Variants in GFPT1 observed in about 807,000 individuals in gnomAD.
The protein encoded by GFPT1 is glutamine--fructose-6-phosphate transaminase 1.
In GFPT1, 40 loss-of-function variants were observed where a neutral mutation model predicts 92.0. The observed-to-expected ratio is 0.43, with a 90% CI of 0.34 to 0.57. The LOEUF (loss-of-function observed/expected upper bound fraction) is 0.57, where lower values mean the gene tolerates loss of function less well. GFPT1 is among the 20% of genes least tolerant of loss of function. The pLI is 0.02. For missense variants in GFPT1, 448 were observed against 869.1 expected, an observed-to-expected ratio of 0.52 and a Z score of 6.09; for synonymous variants, 269 against 280.6, an observed-to-expected ratio of 0.96 and a Z score of 0.41.
chr2:69,375,175 G>A (rs1228894878), intron 1 of GFPT1, among the ~76,000 whole-genome samples: 2 of 152,134 alleles, frequency 1.3e-5, no homozygotes, highest in African/African-American at 4.8e-5. Flanking sequence ...GGCCAGAGTG[G>A]ACACAGCTTT....
intron 3 of GFPT1, among the ~76,000 whole-genome samples, chr2:69,368,585 G>A (rs747663001): frequency 2.0e-5 from 3 of 151,982 alleles, no homozygotes; most frequent in South Asian, 2.1e-4. Context: ...AAAATTAGCC[G>A]GGCATGATGG....
chr2:69,364,679 G>A (rs1475058519), intron 3 of GFPT1, among the ~76,000 whole-genome samples: 1 of 152,190 alleles, frequency 6.6e-6, no homozygotes, highest in Non-Finnish European at 1.5e-5. Flanking sequence ...AATCGGCATA[G>A]GCCAATGTTC....
intron 1 of GFPT1, among the ~76,000 whole-genome samples, chr2:69,379,991 T>C (rs1285781159): frequency 6.6e-6 from 1 of 151,788 alleles, no homozygotes; most frequent in African/African-American, 2.4e-5. Context: ...AGTGCTGGGA[T>C]TACAGGCATG....
chr2:69,332,389 T>C (rs1175127857), intron 15 of GFPT1, among the ~76,000 whole-genome samples: 1 of 151,300 alleles, frequency 6.6e-6, no homozygotes, highest in East Asian at 1.9e-4. Context: ...CTTGGCTCAC[T>C]GCAACCTCAG....
At position 69,359,119 on chromosome 2, in the gene GFPT1, A is replaced by G. The variant is rs552264177; in HGVS notation, c.408+149T>C. On this transcript the variant is annotated intron_variant, in intron 5 of 19. Transcript: ENST00000357308. The stretch of plus-strand genomic sequence containing the variant: ...ATTGTTCCACTGTTAGCAAAGAAAA[A>G]TCCAATAAACCACCGTGCCCTTGGA... 439 of 639,534 alleles carry G rather than the reference A, an allele frequency of 6.9e-4. 1 individual carries two copies. The highest frequency in any genetic ancestry group is 8.8e-4 in the Non-Finnish European group (305 of 345,532). The allele number at this position is 639,534 out of a possible 1,614,324, so 39.6% of individuals were successfully genotyped here.
At position 69,387,046 on chromosome 2, in the gene GFPT1, C is replaced by G. The variant is rs754214386; in HGVS notation, c.7+19G>C. The stretch of plus-strand genomic sequence containing the variant: ...CCAGCGCCACCCGGCAACACGCCCC[C>G]CGCTCCCGGCCCCCTTACCACACAT... On this transcript the variant is annotated intron_variant, in intron 1 of 19. Coordinates refer to ENST00000357308, the MANE Select transcript of GFPT1 (RefSeq NM_001244710.2). 1.3e-6 allele frequency: 2 copies of G among 1,526,642 alleles called. No homozygotes were observed. The highest frequency in any genetic ancestry group is 2.4e-5 in the South Asian group (2 of 84,026). 94.6% of individuals were successfully genotyped at this position (1,526,642 alleles called of 1,614,324 possible). A position where few individuals can be genotyped will look rare whatever the true frequency, so the allele number is the denominator to read the frequency against.
intron 14 of GFPT1, 42 bp from the exon 15 acceptor site, chr2:69,338,097 T>C (rs757494590): frequency 1.3e-6 from 2 of 1,580,700 alleles, no homozygotes; most frequent in Non-Finnish European, 1.7e-6. Flanking sequence ...AGAACAGTTT[T>C]AACATATGCT....
intron 9 of GFPT1, among the ~76,000 whole-genome samples, 168 bp downstream of exon 9, chr2:69,354,091 C>A (rs1261938351): frequency 6.6e-6 from 1 of 152,144 alleles, no homozygotes; most frequent in East Asian, 1.9e-4. Context: ...AAAGCAGACA[C>A]GCAAAATATA....
chr2:69,329,189 A>T, intron 17 of GFPT1, 108 bp downstream of exon 17: 1 of 1,097,704 alleles, frequency 9.1e-7, no homozygotes, highest in East Asian at 2.4e-5. Context: ...TAAATACAGA[A>T]GCACTTTCAA....
chr2:69,329,173 A>G, intron 17 of GFPT1, 124 bp downstream of exon 17: 1 of 934,070 alleles, frequency 1.1e-6, no homozygotes, highest in Non-Finnish European at 1.7e-6. Context: ...AACAAACCAC[A>G]ATGCATAAAT....
intron 9 of GFPT1, among the ~76,000 whole-genome samples, chr2:69,353,228 T>C (rs1057398145): frequency 6.6e-6 from 1 of 152,062 alleles, no homozygotes; most frequent in African/African-American, 2.4e-5. Context: ...AGACTCCATT[T>C]GTACAAAAAA....
chr2:69,347,449 G>A (rs962502159), intron 11 of GFPT1, among the ~76,000 whole-genome samples: 6 of 150,568 alleles, frequency 4.0e-5, no homozygotes, highest in South Asian at 2.1e-4. Context: ...TATTACATAC[G>A]ACTAAGTGTG....
intron 18 of GFPT1, 51 bp downstream of exon 18, chr2:69,328,220 C>A (rs750604821): frequency 6.5e-6 from 9 of 1,380,358 alleles, no homozygotes; most frequent in Middle Eastern, 1.8e-4. Flanking sequence ...AATAAGCTAG[C>A]GTAACTCCCC....
In GFPT1 at chr2:69,387,046, C is replaced by A; in HGVS notation, c.7+19G>T. 1 of 1,526,752 alleles carries A rather than the reference C, an allele frequency of 6.5e-7. No homozygotes were observed. The allele number at this position is 1,526,752 out of a possible 1,614,324, so 94.6% of individuals were successfully genotyped here. ...CCAGCGCCACCCGGCAACACGCCCC[C>A]CGCTCCCGGCCCCCTTACCACACAT... On this transcript the variant is annotated intron_variant, in intron 1 of 19. Transcript: ENST00000357308.
In GFPT1 at chr2:69,386,839, G is replaced by T. The variant is rs527351328; in HGVS notation, c.7+226C>A. On this transcript the variant is annotated intron_variant, in intron 1 of 19. Coordinates refer to ENST00000357308, the MANE Select transcript of GFPT1 (RefSeq NM_001244710.2). ...AAGGCGCCCGCTAGCCCCCGGCAAA[G>T]GGGGCCCGCCTTCCTCTCAGGTGCC... 1.4e-4 allele frequency among the ~76,000 whole-genome samples: 22 copies of T among 152,260 alleles called. No individual in the cohort carries two copies. The South Asian group carries it at 4.6e-3, about 32-fold the overall frequency.
At chr2:69,346,528 G>T (rs978289577) in intron 11 of GFPT1, among the ~76,000 whole-genome samples, 2 of 152,048 alleles carry the variant, frequency 1.3e-5, no homozygotes, top group African/African-American at 4.8e-5. Flanking sequence ...GTGAGCCACC[G>T]CACTCAGTCA....
At chr2:69,328,166 A>AT in intron 18 of GFPT1, 105 bp downstream of exon 18, 1 of 880,870 alleles carries the variant, frequency 1.1e-6, no homozygotes, top group Non-Finnish European at 1.9e-6. Context: ...TGTATTCCAA[A>AT]GTAAATGAGT....
chr2:69,357,017 C>T (rs1287828966), intron 6 of GFPT1, among the ~76,000 whole-genome samples: 1 of 152,170 alleles, frequency 6.6e-6, no homozygotes, highest in Non-Finnish European at 1.5e-5. Flanking sequence ...AGGCGTGAGC[C>T]ACCACGCGCA....
intron 15 of GFPT1, among the ~76,000 whole-genome samples, chr2:69,334,430 G>A (rs995818294): frequency 3.3e-5 from 5 of 151,872 alleles, no homozygotes; most frequent in African/African-American, 1.2e-4. Flanking sequence ...TCTTATATAG[G>A]TGGTAACCAC....
Sources: gnomAD v4.1 joint callset for allele counts (sites outside exome capture counted in the v4.1 genomes callset) on GRCh38, gnomAD v4.1.1 for gene constraint, MANE v1.5 for transcripts, NCBI Gene and HGNC (gene_info 2026-07-23, HGNC 2026-07-21) for gene names.